PUDP: variants seen among roughly 807,000 people sequenced by gnomAD.
PUDP encodes the protein pseudouridine-5'-phosphatase.
PUDP carries 8 observed loss-of-function variants against 9.4 expected under a neutral mutation model. That is an observed-to-expected ratio of 0.85 (90% CI 0.50 to 1.53). PUDP has a LOEUF of 1.53. PUDP is among the 40% of genes most tolerant of loss of function. The pLI is 0.00. For synonymous variants in PUDP, 99 were observed against 80.7 expected (o/e 1.23, Z -1.22); for missense variants, 188 against 189.7 (o/e 0.99, Z 0.05).
intron 1 of PUDP, among the ~76,000 whole-genome samples, chrX:7,110,622 GC>G (rs1195505074): frequency 8.9e-6 from 1 of 111,997 alleles, no homozygotes; most frequent in Non-Finnish European, 1.9e-5. Context: ...GAGCAATAAA[GC>G]TTTTTAATCA....
chrX:6,760,237 C>T (rs1925215038), intron 3 of PUDP, among the ~76,000 whole-genome samples: 1 of 111,406 alleles, frequency 9.0e-6, no homozygotes, highest in African/African-American at 3.3e-5. Flanking sequence ...TGTCCCACTC[C>T]CATCTGTCAG....
intron 1 of PUDP, among the ~76,000 whole-genome samples, chrX:7,030,096 A>C (rs1569142506): frequency 1.4e-5 from 1 of 73,034 alleles, no homozygotes; most frequent in Non-Finnish European, 2.6e-5. Context: ...TCATTATGTC[A>C]GTCCTCACCA....
Position 6,727,917 on chromosome X carries a change from A to G in PUDP, c.*248-21451T>C, listed in dbSNP as rs936101894. Among the ~76,000 whole-genome samples, 3 of 112,078 alleles carry G rather than the reference A, an allele frequency of 2.7e-5. No homozygotes were observed. The Admixed American group carries it at 2.8e-4, about 11-fold the overall frequency. The stretch of plus-strand genomic sequence containing the variant: ...AAGAAAATGACTGAGCCAAGTCTCA[A>G]TCAGGAGGTTGAGGTTTATTAGGAG... On this transcript the variant is annotated intron_variant and NMD_transcript_variant, in intron 3 of 3. Coordinates refer to the PUDP transcript ENST00000655425.
chrX:6,796,169 A>T (rs984315263), intron 3 of PUDP, among the ~76,000 whole-genome samples: 1 of 112,247 alleles, frequency 8.9e-6, no homozygotes, highest in African/African-American at 3.2e-5. Context: ...TATTCACTGC[A>T]CTAGTGTCTG....
intron 3 of PUDP, among the ~76,000 whole-genome samples, chrX:6,905,147 CTTGGATA>C (rs1927749030): frequency 8.9e-6 from 1 of 111,805 alleles, no homozygotes; most frequent in Non-Finnish European, 1.9e-5. Context: ...ACAGTGATAA[CTTGGATA>C]TTGAATCCTA....
chrX:6,982,535 C>T (rs1929050522), intron 1 of PUDP, among the ~76,000 whole-genome samples: 1 of 110,925 alleles, frequency 9.0e-6, no homozygotes, highest in African/African-American at 3.3e-5. Context: ...ATCTGATTGT[C>T]AGAAATGCAA....
intron 1 of PUDP, among the ~76,000 whole-genome samples, chrX:6,979,672 C>G (rs1386015216): frequency 9.0e-6 from 1 of 111,416 alleles, no homozygotes; most frequent in Non-Finnish European, 1.9e-5. Context: ...CTGCAGAAAG[C>G]CAATAGGGCA....
chrX:6,962,060 A>G (rs1181940307), intron 3 of PUDP, among the ~76,000 whole-genome samples: 2 of 112,036 alleles, frequency 1.8e-5, no homozygotes, highest in African/African-American at 6.5e-5. Flanking sequence ...AAGAACTAAC[A>G]AGTAAAACAA....
intron 1 of PUDP, among the ~76,000 whole-genome samples, chrX:6,707,452 C>T (rs929352601): frequency 2.7e-5 from 3 of 111,607 alleles, no homozygotes; most frequent in Non-Finnish European, 5.6e-5. Flanking sequence ...TACAACTTAT[C>T]ATCATGTATA....
chrX:7,077,175 G>A, intron 3 of PUDP, 45 bp downstream of exon 3: 5 of 1,163,683 alleles, frequency 4.3e-6, no homozygotes, highest in Non-Finnish European at 5.7e-6. Flanking sequence ...TTATTTGGTG[G>A]AACATGGTTG....
chrX:7,040,574 G>A (rs66474521), intron 1 of PUDP, among the ~76,000 whole-genome samples: 23 of 110,793 alleles, frequency 2.1e-4, no homozygotes, highest in East Asian at 5.8e-4. Context: ...CAGTAGGGGC[G>A]CCACTGAGTT....
At chrX:7,019,893 C>T (rs565155283) in intron 1 of PUDP, among the ~76,000 whole-genome samples, 4 of 111,036 alleles carry the variant, frequency 3.6e-5, no homozygotes, top group African/African-American at 6.6e-5. Context: ...TTGGCCTCTG[C>T]AAGGATAATG....
intron 1 of PUDP, among the ~76,000 whole-genome samples, chrX:7,025,064 C>T (rs929542024): frequency 1.8e-5 from 2 of 111,464 alleles, no homozygotes; most frequent in African/African-American, 6.5e-5. Context: ...TCTGCCCAGG[C>T]ATGAACGGCT....
chrX:6,911,200 CTT>C (rs35067802), intron 3 of PUDP, among the ~76,000 whole-genome samples: 1 of 100,378 alleles, frequency 1.0e-5, no homozygotes. Flanking sequence ...TTTTCTTTTT[CTT>C]TTTTTTTTTT....
At chrX:6,801,058 C>T (rs991659139) in intron 3 of PUDP, among the ~76,000 whole-genome samples, 1 of 111,835 alleles carries the variant, frequency 8.9e-6, no homozygotes, top group Non-Finnish European at 1.9e-5. Flanking sequence ...GCTGTTTGAT[C>T]CCAGGGATGC....
intron 1 of PUDP, among the ~76,000 whole-genome samples, chrX:7,138,581 C>T (rs367937107): frequency 1.8e-5 from 2 of 110,999 alleles, no homozygotes; most frequent in Non-Finnish European, 3.8e-5. Flanking sequence ...CCATGTTGGC[C>T]GGGGTGGTCT....
intron 3 of PUDP, among the ~76,000 whole-genome samples, chrX:6,791,061 G>A (rs1443750798): frequency 8.9e-6 from 1 of 111,820 alleles, no homozygotes; most frequent in African/African-American, 3.3e-5. Context: ...ATTGACACAA[G>A]AATATATTTG....
intron 3 of PUDP, among the ~76,000 whole-genome samples, chrX:6,873,772 C>A (rs1396785625): frequency 8.9e-6 from 1 of 111,821 alleles, no homozygotes; most frequent in Non-Finnish European, 1.9e-5. Context: ...CCAATTTATT[C>A]TTGTACATTG....
intron 3 of PUDP, among the ~76,000 whole-genome samples, chrX:6,774,672 T>C (rs1925419811): frequency 8.9e-6 from 1 of 112,142 alleles, no homozygotes. Flanking sequence ...AGGGTTGCTG[T>C]GGCTGGTTCA....
Sources: allele counts gnomAD v4.1 joint callset (sites outside exome capture counted in the v4.1 genomes callset), GRCh38; gene constraint gnomAD v4.1.1; transcripts MANE v1.5; gene names NCBI Gene and HGNC (gene_info 2026-07-23, HGNC 2026-07-21).